Variants in RAPH1 observed in about 807,000 individuals in gnomAD.
RAPH1 encodes the protein ras-associated and pleckstrin homology domains-containing protein 1.
In RAPH1, 18 loss-of-function variants were observed where a neutral mutation model predicts 88.1. That is an observed-to-expected ratio of 0.20 (90% confidence interval 0.14 to 0.30). The LOEUF (loss-of-function observed/expected upper bound fraction) is 0.30. RAPH1 is among the 10% of genes least tolerant of loss of function. The pLI is 1.00. For missense variants in RAPH1, 1,448 were observed against 1,543.2 expected (o/e 0.94, Z 1.03); for synonymous variants, 587 against 559.0 (o/e 1.05, Z -0.71).
intron 1 of RAPH1, among the ~76,000 whole-genome samples, chr2:203,517,436 C>T (rs2105950029): frequency 6.7e-6 from 1 of 149,334 alleles, no homozygotes; most frequent in South Asian, 2.2e-4. Flanking sequence ...TTGAATACCT[C>T]TCTATCAGAA....
rs2098495208 is a variant in RAPH1, at chr2:203,433,832, AATTTTTTTT to A, written c.*5596_*5604del. ...TCCCCATGTTTAAATGAAATCTATGAATTTTTTTTATTAAGGATTTGATAAGCTGATATA... is the reference window on the plus strand; with the variant it reads ...TCCCCATGTTTAAATGAAATCTATGAATTAAGGATTTGATAAGCTGATATA... On this transcript the variant is annotated 3_prime_UTR_variant, in exon 14 of 14. Transcript: ENST00000319170. 1 of 150,774 alleles carries A rather than the reference AATTTTTTTT, an allele frequency of 6.6e-6. No individual in the cohort carries two copies. The highest frequency in any genetic ancestry group is 1.5e-5 in the Non-Finnish European group (1 of 67,116). The allele number at this position is 150,774 out of a possible 1,614,324, so 9.3% of individuals were successfully genotyped here. A position where few individuals can be genotyped will look rare whatever the true frequency, so the allele number is the denominator to read the frequency against.
rs564149379 is a variant in RAPH1, at chr2:203,515,320, T to A, written c.-1+19791A>T. The stretch of plus-strand genomic sequence containing the variant: ...TTGCAAGTTCTGTTTGACGGTATAC[T>A]GTGTAAAAAGAGAAGGGGATTTTCA... On this transcript the variant is annotated intron_variant, in intron 1 of 13. Coordinates refer to ENST00000319170, the MANE Select transcript of RAPH1 (RefSeq NM_213589.3). Among the ~76,000 whole-genome samples the A allele has an allele frequency of 1.5e-3, 227 of 152,342 alleles. 1 individual carries two copies. The highest frequency in any genetic ancestry group is 2.9e-3 in the Non-Finnish European group (196 of 68,030).
At chr2:203,522,416 C>G (rs1283064689) in intron 1 of RAPH1, among the ~76,000 whole-genome samples, 1 of 152,100 alleles carries the variant, frequency 6.6e-6, no homozygotes, top group African/African-American at 2.4e-5. Context: ...TGTGTAAGCT[C>G]TAAATAAACG....
chr2:203,534,522 C>CT, intron 1 of RAPH1, among the ~76,000 whole-genome samples: 1 of 110,082 alleles, frequency 9.1e-6, no homozygotes, highest in East Asian at 3.1e-4. Flanking sequence ...CCCCCCCCCC[C>CT]CCATGAATTG....
In RAPH1 at chr2:203,435,710, G is replaced by A. The variant is rs924299449; in HGVS notation, c.*3727C>T. ...GAGTGGATTAAATCAGTTGTAATTA[G>A]TTAGCTCTGTAGGTATATGAAAAAC... On this transcript the variant is annotated 3_prime_UTR_variant, in exon 14 of 14. Transcript: ENST00000319170. 1 of 152,146 alleles carries A rather than the reference G, an allele frequency of 6.6e-6. No individual in the cohort carries two copies. Among genetic ancestry groups the A allele is most frequent in the Non-Finnish European group, 1.5e-5 (1 of 68,020 alleles). 9.4% of individuals were successfully genotyped at this position (152,146 alleles called of 1,614,324 possible).
chr2:203,533,584 T>A (rs1367644472), intron 1 of RAPH1, among the ~76,000 whole-genome samples: 1 of 151,968 alleles, frequency 6.6e-6, no homozygotes, highest in Non-Finnish European at 1.5e-5. Flanking sequence ...ATCCTACTCA[T>A]CCTTAAAGGT....
chr2:203,484,791 C>G (rs1375065835), intron 4 of RAPH1, among the ~76,000 whole-genome samples: 2 of 152,198 alleles, frequency 1.3e-5, no homozygotes, highest in Admixed American at 1.3e-4. Flanking sequence ...TACTCACTCA[C>G]CCACCAGCAG....
intron 1 of RAPH1, among the ~76,000 whole-genome samples, chr2:203,534,218 T>C (rs1005600812): frequency 3.3e-5 from 5 of 152,138 alleles, no homozygotes; most frequent in Admixed American, 6.6e-5. Context: ...TCAACCCTTA[T>C]TGGAAGATTG....
chr2:203,478,209 T>C (rs1433419733), intron 4 of RAPH1, among the ~76,000 whole-genome samples: 1 of 151,962 alleles, frequency 6.6e-6, no homozygotes. Context: ...AATTTTTCTG[T>C]ATTTTTAGTA....
chr2:203,447,956 T>C lies in RAPH1; in HGVS notation c.1633+3A>G. 6.2e-7 allele frequency: 1 copy of C among 1,613,830 alleles called. No individual in the cohort carries two copies. The highest frequency in any genetic ancestry group is 8.5e-7 in the Non-Finnish European group (1 of 1,179,812). On this transcript the variant is annotated splice_donor_region_variant and intron_variant, in intron 12 of 13. Transcript: ENST00000319170. ...AATAGTGCTTTGAAGCATTTTGAACTACCTGGGATGCTGGAAGAACTGGAT... is the reference window on the plus strand; with the variant it reads ...AATAGTGCTTTGAAGCATTTTGAACCACCTGGGATGCTGGAAGAACTGGAT...
At position 203,434,025 on chromosome 2, in the gene RAPH1, A is replaced by G. The variant is rs1479777762; in HGVS notation, c.*5412T>C. 10 of 144,766 alleles carry G rather than the reference A, an allele frequency of 6.9e-5. No homozygotes were observed. Among genetic ancestry groups the G allele is most frequent in the Admixed American group, 6.8e-4 (10 of 14,692 alleles). The allele number at this position is 144,766 out of a possible 1,614,324, so 9.0% of individuals were successfully genotyped here. Reference sequence around the variant, plus strand: ...AGAAAAACATCCTCAGTAGTACTGAATATATCTCTCTCATATATCTATCTA... The same window carrying G: ...AGAAAAACATCCTCAGTAGTACTGAGTATATCTCTCTCATATATCTATCTA... On this transcript the variant is annotated 3_prime_UTR_variant, in exon 14 of 14. Coordinates refer to ENST00000319170, the MANE Select transcript of RAPH1 (RefSeq NM_213589.3).
intron 13 of RAPH1, chr2:203,444,474 GAA>G (rs749234125): frequency 5.8e-5 from 11 of 189,238 alleles, no homozygotes; most frequent in Non-Finnish European, 1.1e-4. Context: ...AGACAGGAAA[GAA>G]GAGAGAGAAC....
Position 203,440,616 on chromosome 2 carries a change from C to T in RAPH1, c.2574G>A (p.Val858=), listed in dbSNP as rs375071888. 4 of 1,549,368 alleles carry T rather than the reference C, an allele frequency of 2.6e-6. No individual in the cohort carries two copies. The highest frequency in any genetic ancestry group is 1.9e-5 in the Admixed American group (1 of 53,418). The change falls in exon 14 of 14, where the codon GTG becomes GTA. Residue 858 remains valine (V), a synonymous_variant. Transcript: ENST00000319170. ...TGGCTATCTGCTTCACGACCGAGGG[C>T]ACCGGTGACAGTGGAGAGGGAGGGG... ...AKPPPSPLSP[V]PSVVKQIASQ...
At chr2:203,502,788 C>G (rs1688794791) in intron 1 of RAPH1, among the ~76,000 whole-genome samples, 1 of 150,712 alleles carries the variant, frequency 6.6e-6, no homozygotes, top group South Asian at 2.1e-4. Flanking sequence ...CCACTGCACT[C>G]CAGCCTAGGC....
intron 4 of RAPH1, among the ~76,000 whole-genome samples, chr2:203,473,970 A>G (rs2098535276): frequency 6.6e-6 from 1 of 152,206 alleles, no homozygotes; most frequent in Non-Finnish European, 1.5e-5. Context: ...TCCTTGCCTC[A>G]CAGAATGTAG....
intron 1 of RAPH1, among the ~76,000 whole-genome samples, chr2:203,521,117 A>G (rs746191634): frequency 1.3e-5 from 2 of 152,140 alleles, no homozygotes; most frequent in Non-Finnish European, 2.9e-5. Flanking sequence ...GCAGTGACAC[A>G]ATCTTGGCTC....
rs2098524097 is a variant in RAPH1, at chr2:203,461,382, A to G, written c.837T>C (p.Asp279=). 1 of 1,607,954 alleles carries G rather than the reference A, an allele frequency of 6.2e-7. No homozygotes were observed. Among genetic ancestry groups the G allele is most frequent in the African/African-American group, 1.3e-5 (1 of 74,656 alleles). The change falls in exon 6 of 14, where the codon GAT becomes GAC. Residue 279 remains aspartate (D), a synonymous_variant. Transcript: ENST00000319170. ...KKLVIRVHMS[D]DSSKTMMVDE... The stretch of plus-strand genomic sequence containing the variant: ...CCACCATCATTGTTTTAGAACTGTC[A>G]TCAGACATGTGGACTCTGATCACCA...
rs1305716275 is a variant in RAPH1, at chr2:203,440,446, T to G, written c.2744A>C (p.Asp915Ala). Residue 915 changes from aspartate (D) to alanine (A), a missense_variant, in exon 14 of 14, where the codon GAC becomes GCC. Physicochemically the swap from Asp to Ala is moderately radical, Grantham distance 126 (BLOSUM62 -2). This residue lies in a region of RAPH1 where 935 missense variants were observed against 890.1 expected (regional missense o/e 1.05). Transcript: ENST00000319170. ...QPSSIPVPSPDFPPPPPESSL... is the reference protein window; with the variant it reads ...QPSSIPVPSPAFPPPPPESSL... ...GCTTTCAGGAGGGGGAGGAGGGAAG[T>G]CCGGAGAAGGGACTGGGATGGAGCT... 2.6e-6 allele frequency: 4 copies of G among 1,542,022 alleles called. No homozygotes were observed. The highest frequency in any genetic ancestry group is 3.5e-6 in the Non-Finnish European group (4 of 1,146,028).
intron 1 of RAPH1, among the ~76,000 whole-genome samples, chr2:203,503,343 T>A (rs985232188): frequency 2.0e-5 from 3 of 152,198 alleles, no homozygotes; most frequent in African/African-American, 7.2e-5. Flanking sequence ...GAAAGAGGTT[T>A]AACTGGACGT....
Sources: gnomAD v4.1 joint callset for allele counts (sites outside exome capture counted in the v4.1 genomes callset) on GRCh38, gnomAD v4.1.1 for gene constraint, gnomAD v4.1.1 regional missense constraint, MANE v1.5 for transcripts, NCBI Gene and HGNC (gene_info 2026-07-23, HGNC 2026-07-21) for gene names.